Variants in TBC1D1 observed in about 807,000 individuals in gnomAD.
TBC1D1 encodes the protein TBC1 domain family member 1, also known as TBC1 (tre-2/USP6, BUB2, cdc16) domain family, member 1.
In TBC1D1, 89 loss-of-function variants were observed where a neutral mutation model predicts 125.6. The ratio of observed to expected loss-of-function variants is 0.71; its 90% CI spans 0.60 to 0.85. TBC1D1 has a LOEUF of 0.85. Among genes scored for constraint, TBC1D1 ranks in the 40% least tolerant of loss-of-function variants. The probability of loss-of-function intolerance (pLI) is 0.00; values close to 1 mark genes in which losing one functional copy is unlikely to be tolerated. For missense variants in TBC1D1, 1,377 were observed against 1,469.2 expected, an observed-to-expected ratio of 0.94 and a Z score of 1.03; for synonymous variants, 565 against 564.1, an observed-to-expected ratio of 1.00 and a Z score of -0.02.
intron 2 of TBC1D1, among the ~76,000 whole-genome samples, chr4:37,979,645 C>G (rs1192245493): frequency 3.3e-5 from 5 of 152,250 alleles, no homozygotes; most frequent in African/African-American, 1.2e-4. Flanking sequence ...CAAACACCTG[C>G]ACATCCAGTT....
intron 12 of TBC1D1, among the ~76,000 whole-genome samples, chr4:38,055,323 C>T (rs1751508283): frequency 6.6e-6 from 1 of 152,218 alleles, no homozygotes; most frequent in South Asian, 2.1e-4. Context: ...CAAATCCCAG[C>T]TTTTCCCCTT....
chr4:37,960,328 A>G, intron 2 of TBC1D1: 1 of 1,088,452 alleles, frequency 9.2e-7, no homozygotes, highest in East Asian at 2.5e-5. Flanking sequence ...CTAGGCACAA[A>G]AATTAGATAT....
chr4:37,891,535 A>AC (rs1371011607), intron 1 of TBC1D1, among the ~76,000 whole-genome samples, 187 bp downstream of exon 1: 1 of 19,954 alleles, frequency 5.0e-5, no homozygotes, highest in Admixed American at 5.0e-4. Context: ...TGCCCCCCTT[A>AC]CCCCCCCACC....
At chr4:37,896,101 T>C (rs931007269) in intron 1 of TBC1D1, among the ~76,000 whole-genome samples, 10 of 152,202 alleles carry the variant, frequency 6.6e-5, no homozygotes, top group Admixed American at 2.0e-4. Flanking sequence ...AGTAGCTGCC[T>C]GGGGACTTCC....
intron 12 of TBC1D1, among the ~76,000 whole-genome samples, chr4:38,069,636 C>T (rs1289112356): frequency 6.6e-6 from 1 of 152,150 alleles, no homozygotes; most frequent in Non-Finnish European, 1.5e-5. Flanking sequence ...TATATGCAGT[C>T]ATGCCAACCC....
intron 2 of TBC1D1, chr4:38,006,698 C>G: frequency 3.2e-6 from 1 of 310,032 alleles, no homozygotes; most frequent in South Asian, 3.1e-5. Context: ...CCAGGATGGG[C>G]TCAATCTCCT....
intron 12 of TBC1D1, among the ~76,000 whole-genome samples, chr4:38,079,358 A>G (rs1189969887): frequency 6.6e-6 from 1 of 152,206 alleles, no homozygotes; most frequent in Non-Finnish European, 1.5e-5. Flanking sequence ...AGAAAATGGT[A>G]TTTAGTTCAG....
Position 38,137,780 on chromosome 4 carries a change from T to C in TBC1D1, c.*445T>C, listed in dbSNP as rs1766886496. 1 of 155,758 alleles carries C rather than the reference T, an allele frequency of 6.4e-6. No individual in the cohort carries two copies. Among genetic ancestry groups the C allele is most frequent in the South Asian group, 2.1e-4 (1 of 4,866 alleles). The allele number at this position is 155,758 out of a possible 1,614,324, so 9.6% of individuals were successfully genotyped here. A position where few individuals can be genotyped will look rare whatever the true frequency, so the allele number is the denominator to read the frequency against. On this transcript the variant is annotated 3_prime_UTR_variant, in exon 20 of 20. Transcript: ENST00000261439. ...GTGGCGACTACACCCTCAGCGTCCC[T>C]GGCAAGGTGCAGTTGGCTCTCGCCC... is the stretch of plus-strand genomic sequence containing the variant.
intron 12 of TBC1D1, among the ~76,000 whole-genome samples, chr4:38,085,479 G>C (rs920355440): frequency 2.9e-4 from 44 of 152,262 alleles, no homozygotes; most frequent in Non-Finnish European, 5.9e-5. Context: ...TTGGGCAGTC[G>C]GCGGTGAATA....
intron 2 of TBC1D1, among the ~76,000 whole-genome samples, chr4:37,953,730 C>A (rs13121101): frequency 1.3e-5 from 2 of 151,972 alleles, no homozygotes; most frequent in African/African-American, 4.8e-5. Context: ...ACATGAGCCA[C>A]GCCTGGGAGA....
chr4:37,971,244 C>T (rs1578098151), intron 2 of TBC1D1, among the ~76,000 whole-genome samples: 1 of 152,254 alleles, frequency 6.6e-6, no homozygotes, highest in African/African-American at 2.4e-5. Context: ...TGTAGGGATA[C>T]TGTATTAGTC....
intron 13 of TBC1D1, among the ~76,000 whole-genome samples, chr4:38,090,842 G>C (rs900233811): frequency 1.3e-5 from 2 of 152,220 alleles, no homozygotes; most frequent in African/African-American, 2.4e-5. Flanking sequence ...AGATGTAGCA[G>C]ATGGTTCAGT....
chr4:38,113,037 C>T (rs1026921656), intron 15 of TBC1D1, among the ~76,000 whole-genome samples: 1 of 152,150 alleles, frequency 6.6e-6, no homozygotes, highest in Non-Finnish European at 1.5e-5. Flanking sequence ...TCATAACATA[C>T]CACTCGGTAG....
chr4:37,917,621 A>T, intron 2 of TBC1D1, among the ~76,000 whole-genome samples: 1 of 152,194 alleles, frequency 6.6e-6, no homozygotes, highest in East Asian at 1.9e-4. Flanking sequence ...TCACTGGGGC[A>T]GGGAATTGGA....
chr4:37,903,789 TG>T (rs1320491615), intron 2 of TBC1D1, among the ~76,000 whole-genome samples: 13 of 152,196 alleles, frequency 8.5e-5, no homozygotes, highest in Middle Eastern at 3.4e-3. Context: ...GGAGCATCAG[TG>T]GGGAATAGGA....
intron 2 of TBC1D1, among the ~76,000 whole-genome samples, chr4:37,974,092 G>A (rs1203741518): frequency 6.6e-6 from 1 of 152,196 alleles, no homozygotes; most frequent in Admixed American, 6.5e-5. Flanking sequence ...TGGTAACAGG[G>A]AAAGATTTGG....
Position 38,119,497 on chromosome 4 carries a change from T to C in TBC1D1, c.2962+1305T>C, listed in dbSNP as rs529672777. Reference sequence around the variant, plus strand: ...TGAGCATATCTTTAGTGAGAGTTCATGAAGGTTTATACCATGGTTAAAAAA... The same window carrying C: ...TGAGCATATCTTTAGTGAGAGTTCACGAAGGTTTATACCATGGTTAAAAAA... On this transcript the variant is annotated intron_variant, in intron 17 of 19. Transcript: ENST00000261439. Among the ~76,000 whole-genome samples the C allele has an allele frequency of 4.6e-5, 7 of 151,640 alleles. No individual in the cohort carries two copies. In the South Asian group the frequency reaches 1.5e-3, roughly 31 times the overall value.
intron 8 of TBC1D1, among the ~76,000 whole-genome samples, chr4:38,042,474 C>T (rs13112768): frequency 3.3e-5 from 5 of 152,064 alleles, no homozygotes; most frequent in East Asian, 1.9e-4. Flanking sequence ...AGGCTGGTCT[C>T]GAACTCCTGA....
At chr4:37,998,073 T>C (rs1319705745) in intron 2 of TBC1D1, among the ~76,000 whole-genome samples, 9 of 152,210 alleles carry the variant, frequency 5.9e-5, no homozygotes, top group Admixed American at 5.9e-4. Flanking sequence ...CACGTTCAGT[T>C]ACCACTTCTT....
Sources: allele counts gnomAD v4.1 joint callset (sites outside exome capture counted in the v4.1 genomes callset), GRCh38; gene constraint gnomAD v4.1.1; transcripts MANE v1.5; gene names NCBI Gene and HGNC (gene_info 2026-07-23, HGNC 2026-07-21).